The following SP140L variants were observed in gnomAD, a reference collection of about 807,000 sequenced individuals.
SP140L encodes the protein nuclear body protein SP140-like protein.
In SP140L, 64 loss-of-function variants were observed where a neutral mutation model predicts 84.3. The ratio of observed to expected loss-of-function variants is 0.76; its 90% confidence interval spans 0.62 to 0.94. SP140L has a LOEUF of 0.94. SP140L is among the 40% of genes least tolerant of loss of function. SP140L has a pLI of 0.00. For synonymous variants in SP140L, 242 were observed against 236.9 expected, an observed-to-expected ratio of 1.02 and a Z score of -0.20; for missense variants, 628 against 692.5, an observed-to-expected ratio of 0.91 and a Z score of 1.05.
At chr2:230,328,427 T>C (rs894015617) in intron 1 of SP140L, among the ~76,000 whole-genome samples, 1 of 152,244 alleles carries the variant, frequency 6.6e-6, no homozygotes, top group African/African-American at 2.4e-5. Context: ...TGCGTGCTAT[T>C]CTGCATTTTG....
intron 11 of SP140L, 55 bp from the exon 12 acceptor site, chr2:230,392,032 A>C: frequency 5.6e-6 from 9 of 1,607,274 alleles, no homozygotes; most frequent in Non-Finnish European, 6.8e-6. Flanking sequence ...GAGTGGCCAC[A>C]GTCTGAGCGC....
intron 8 of SP140L, among the ~76,000 whole-genome samples, chr2:230,384,932 C>CA (rs2061524676): frequency 6.6e-6 from 1 of 151,978 alleles, no homozygotes; most frequent in Non-Finnish European, 1.5e-5. Flanking sequence ...AACAAACAAA[C>CA]AAAAAACAAG....
chr2:230,331,785 A>G (rs909774769), intron 2 of SP140L, among the ~76,000 whole-genome samples: 1 of 152,100 alleles, frequency 6.6e-6, no homozygotes, highest in Non-Finnish European at 1.5e-5. Context: ...GGGGAAATCT[A>G]TTTGTTTTAG....
intron 7 of SP140L, among the ~76,000 whole-genome samples, chr2:230,374,959 T>C (rs1218565437): frequency 6.6e-6 from 1 of 152,236 alleles, no homozygotes; most frequent in Non-Finnish European, 1.5e-5. Flanking sequence ...GCAATATTTC[T>C]AAGATATACC....
intron 2 of SP140L, among the ~76,000 whole-genome samples, chr2:230,347,279 A>C (rs948043255): frequency 2.6e-5 from 4 of 152,182 alleles, no homozygotes; most frequent in African/African-American, 9.7e-5. Context: ...CAGTGGGACC[A>C]CAGGTTAGGC....
intron 5 of SP140L, among the ~76,000 whole-genome samples, chr2:230,363,950 G>A (rs963308933): frequency 2.6e-5 from 4 of 152,016 alleles, no homozygotes; most frequent in African/African-American, 9.7e-5. Flanking sequence ...GCGTGTTCTT[G>A]GCACCTTTGT....
intron 10 of SP140L, 31 bp downstream of exon 10, chr2:230,388,664 T>TA (rs2149804061): frequency 6.5e-7 from 1 of 1,534,814 alleles, no homozygotes. Flanking sequence ...GCACTTTCAA[T>TA]AACTAAACAT....
At position 230,402,660 on chromosome 2, in the gene SP140L, A is replaced by ATT. The variant is rs2062405407; in HGVS notation, c.1645-138_1645-137insTT. On this transcript the variant is annotated intron_variant, in intron 18 of 18. Transcript: ENST00000415673. Reference sequence around the variant, plus strand: ...AAATCACAACACTGCTTTGTACTCCAAAATACATACCATTATAAATTGTCA... The same window carrying ATT: ...AAATCACAACACTGCTTTGTACTCCATTAAATACATACCATTATAAATTGTCA... The ATT allele has an allele frequency of 6.0e-6, 4 of 671,502 alleles. No homozygotes were observed. The East Asian group carries it at 1.2e-4, about 20-fold the overall frequency. 41.6% of individuals were successfully genotyped at this position (671,502 alleles called of 1,614,324 possible).
intron 4 of SP140L, 128 bp downstream of exon 4, chr2:230,359,260 C>T (rs11678791): frequency 0.2 from 156,871 of 782,990 alleles, 16,921 homozygotes; most frequent in South Asian, 0.23. Flanking sequence ...ACAAAATAGA[C>T]GTGTCATGAG....
chr2:230,367,055 T>TTCTC (rs2060902604), intron 5 of SP140L, among the ~76,000 whole-genome samples: 1 of 152,010 alleles, frequency 6.6e-6, no homozygotes, highest in Non-Finnish European at 1.5e-5. Flanking sequence ...ATTCCTTTCT[T>TTCTC]TCTCTCTTCC....
chr2:230,351,836 A>G (rs2060373874), intron 2 of SP140L, among the ~76,000 whole-genome samples: 2 of 151,952 alleles, frequency 1.3e-5, no homozygotes, highest in East Asian at 3.9e-4. Context: ...TTGTAGAGAG[A>G]GCCTTTTGTC....
intron 2 of SP140L, among the ~76,000 whole-genome samples, chr2:230,330,419 A>G (rs145123468): frequency 1.6e-3 from 249 of 152,058 alleles, no homozygotes; most frequent in Non-Finnish European, 3.0e-3. Flanking sequence ...CTTTCCAGGA[A>G]CTCTTGACAT....
chr2:230,335,581 T>G lies in SP140L; in HGVS notation c.107+6750T>G, dbSNP rs563056685. On this transcript the variant is annotated intron_variant, in intron 2 of 18. Coordinates refer to ENST00000415673, the MANE Select transcript of SP140L (RefSeq NM_138402.6). Reference sequence around the variant, plus strand: ...AAATGTGTTTTTTAGGATTTTGGTTTGTGAGAGTCTACTGTTGTTTTTTTT... The same window carrying G: ...AAATGTGTTTTTTAGGATTTTGGTTGGTGAGAGTCTACTGTTGTTTTTTTT... Among the ~76,000 whole-genome samples the G allele has an allele frequency of 3.3e-5, 5 of 152,368 alleles. No homozygotes were observed. In the South Asian group the frequency reaches 1.0e-3, roughly 32 times the overall value.
chr2:230,327,432 T>A, intron 1 of SP140L, 131 bp downstream of exon 1: 1 of 1,038,604 alleles, frequency 9.6e-7, no homozygotes, highest in Non-Finnish European at 1.4e-6. Flanking sequence ...TAGTGTAATA[T>A]AATGGAATAA....
chr2:230,361,716 A>G lies in SP140L; in HGVS notation c.523+19A>G. On this transcript the variant is annotated intron_variant, in intron 5 of 18. Transcript: ENST00000415673. ...AAACAAGGTAAAAATGACAGAATAA[A>G]AACGGTTTCTCATCCGCTAAGAGGA... The G allele has an allele frequency of 1.3e-6, 2 of 1,538,530 alleles. No homozygotes were observed. Among genetic ancestry groups the G allele is most frequent in the Non-Finnish European group, 8.8e-7 (1 of 1,134,380 alleles).
chr2:230,398,367 T>C (rs773423833), intron 14 of SP140L, among the ~76,000 whole-genome samples: 47 of 151,720 alleles, frequency 3.1e-4, no homozygotes, highest in Non-Finnish European at 5.7e-4. Flanking sequence ...ACCAGAGAAA[T>C]CAAATCTCTT....
intron 13 of SP140L, among the ~76,000 whole-genome samples, chr2:230,395,642 GA>G (rs2062016107): frequency 6.6e-6 from 1 of 152,188 alleles, no homozygotes; most frequent in Non-Finnish European, 1.5e-5. Context: ...CAAATGGGTG[GA>G]GTAGGAGATT....
At chr2:230,335,415 G>A (rs1036425538) in intron 2 of SP140L, among the ~76,000 whole-genome samples, 8 of 152,120 alleles carry the variant, frequency 5.3e-5, no homozygotes, top group South Asian at 2.1e-4. Context: ...TTTCTTAGCC[G>A]TTTGTTATTT....
intron 12 of SP140L, 30 bp from the exon 13 acceptor site, chr2:230,393,384 A>G (rs1395787459): frequency 1.3e-6 from 2 of 1,571,876 alleles, no homozygotes; most frequent in Non-Finnish European, 1.7e-6. Context: ...ACGCAGGCTG[A>G]CTATGTACCT....
Sources: allele counts gnomAD v4.1 joint callset (sites outside exome capture counted in the v4.1 genomes callset), GRCh38; gene constraint gnomAD v4.1.1; transcripts MANE v1.5; gene names NCBI Gene and HGNC (gene_info 2026-07-23, HGNC 2026-07-21).